Variants in MAP2K1 observed in about 807,000 individuals in gnomAD.
The protein encoded by MAP2K1 is dual specificity mitogen-activated protein kinase kinase 1.
MAP2K1 carries 16 observed loss-of-function variants against 46.3 expected under a neutral mutation model. The ratio of observed to expected loss-of-function variants is 0.35; its 90% confidence interval spans 0.23 to 0.52. The LOEUF (loss-of-function observed/expected upper bound fraction) is 0.52. MAP2K1 is among the 20% of genes least tolerant of loss of function. The pLI, the probability that MAP2K1 is intolerant of heterozygous loss-of-function variation, is 0.94. For synonymous variants in MAP2K1, 183 were observed against 185.6 expected, an observed-to-expected ratio of 0.99 and a Z score of 0.11; for missense variants, 263 against 497.1, an observed-to-expected ratio of 0.53 and a Z score of 4.48.
intron 1 of MAP2K1, among the ~76,000 whole-genome samples, chr15:66,402,525 C>T (rs1025683959): frequency 1.3e-5 from 2 of 152,176 alleles, no homozygotes; most frequent in Non-Finnish European, 2.9e-5. Context: ...AGGAAAACTT[C>T]AGCAATTTTC....
At position 66,396,968 on chromosome 15, in the gene MAP2K1, A is replaced by G. The variant is rs550436589; in HGVS notation, c.80+9541A>G. 5.9e-5 allele frequency among the ~76,000 whole-genome samples: 8 copies of G among 136,358 alleles called. No homozygotes were observed. In the East Asian group the frequency reaches 1.5e-3, roughly 26 times the overall value. 89.5% of individuals were successfully genotyped at this position (136,358 alleles called of 152,430 possible). A position where few individuals can be genotyped will look rare whatever the true frequency, so the allele number is the denominator to read the frequency against. On this transcript the variant is annotated intron_variant, in intron 1 of 10. Transcript: ENST00000307102. ...CCAAAGTGCTGGGATTACAGGCATG[A>G]GCTACCATGCCTGGCCTGTAACGCT... is the stretch of plus-strand genomic sequence containing the variant.
intron 1 of MAP2K1, among the ~76,000 whole-genome samples, chr15:66,426,370 A>AAC (rs1385637993): frequency 6.6e-6 from 1 of 151,734 alleles, no homozygotes; most frequent in Non-Finnish European, 1.5e-5. Flanking sequence ...CAAAAAAAAA[A>AAC]AAAACCTTTA....
In MAP2K1 at chr15:66,455,766, C is replaced by T. The variant is rs558756836; in HGVS notation, c.568+11059C>T. Among the ~76,000 whole-genome samples the T allele has an allele frequency of 6.1e-4, 93 of 152,306 alleles. 2 individuals carry two copies. In the South Asian group the frequency reaches 0.011, roughly 18 times the overall value. On this transcript the variant is annotated intron_variant, in intron 5 of 10. Coordinates refer to ENST00000307102, the MANE Select transcript of MAP2K1 (RefSeq NM_002755.4). ...GTGATTTGTCTCTGCCATAATGGAG[C>T]AGGACTTCTTGGGCAGAATAAGTTC...
intron 1 of MAP2K1, among the ~76,000 whole-genome samples, chr15:66,407,007 A>G (rs939523393): frequency 2.0e-5 from 3 of 152,150 alleles, no homozygotes; most frequent in South Asian, 2.1e-4. Context: ...AAAACAAAAC[A>G]AAACAAAAAA....
chr15:66,462,989 G>C (rs1460613692), intron 5 of MAP2K1, among the ~76,000 whole-genome samples: 1 of 152,220 alleles, frequency 6.6e-6, no homozygotes, highest in Non-Finnish European at 1.5e-5. Context: ...TCTCTGTCCA[G>C]AGGGCAGGAG....
At chr15:66,418,256 G>A (rs967677778) in intron 1 of MAP2K1, among the ~76,000 whole-genome samples, 1 of 152,112 alleles carries the variant, frequency 6.6e-6, no homozygotes, top group Non-Finnish European at 1.5e-5. Flanking sequence ...TGTTATAGCT[G>A]AAGAGTGAAT....
intron 5 of MAP2K1, among the ~76,000 whole-genome samples, chr15:66,449,398 T>G (rs79264026): frequency 0.028 from 4,285 of 152,120 alleles, 151 homozygotes; most frequent in Admixed American, 0.067. Flanking sequence ...AATACGAAAT[T>G]TTAGAACAGA....
intron 1 of MAP2K1, among the ~76,000 whole-genome samples, chr15:66,395,938 G>A (rs1213828481): frequency 9.2e-5 from 14 of 152,064 alleles, no homozygotes. Context: ...GACTGTGATT[G>A]TCTTGTGTAC....
At chr15:66,403,271 T>TA in intron 1 of MAP2K1, among the ~76,000 whole-genome samples, 1 of 152,178 alleles carries the variant, frequency 6.6e-6, no homozygotes. Context: ...GCAATATCCT[T>TA]AAAAAAATTA....
intron 1 of MAP2K1, among the ~76,000 whole-genome samples, chr15:66,426,371 A>AC (rs1294988486): frequency 1.3e-4 from 19 of 151,866 alleles, no homozygotes; most frequent in Admixed American, 5.2e-4. Context: ...AAAAAAAAAA[A>AC]AAACCTTTAT....
chr15:66,483,280 C>T (rs555858612), intron 6 of MAP2K1, among the ~76,000 whole-genome samples: 21 of 152,308 alleles, frequency 1.4e-4, no homozygotes, highest in Admixed American at 6.5e-4. Flanking sequence ...CATCACTCAC[C>T]TGGCACTGAC....
At chr15:66,434,974 T>C in intron 1 of MAP2K1, 53 bp from the exon 2 acceptor site, 1 of 1,158,132 alleles carries the variant, frequency 8.6e-7, no homozygotes, top group Non-Finnish European at 1.3e-6. Context: ...AGTACTTCTT[T>C]GGGTTGACTT....
intron 5 of MAP2K1, among the ~76,000 whole-genome samples, chr15:66,458,776 C>T (rs1231088590): frequency 6.6e-6 from 1 of 152,198 alleles, no homozygotes; most frequent in Non-Finnish European, 1.5e-5. Flanking sequence ...TTGTCTGGGT[C>T]TCCCTAAGTG....
chr15:66,469,472 CTTTT>C (rs370379739), intron 5 of MAP2K1, among the ~76,000 whole-genome samples: 292 of 76,618 alleles, frequency 3.8e-3, no homozygotes, highest in African/African-American at 0.015. Context: ...CTGGTGCCTC[CTTTT>C]TTTTTTTTTT....
rs1555420826 is a variant in MAP2K1, at chr15:66,487,249, C to T, written c.917C>T (p.Pro306Leu). The change falls in exon 8 of 11, where the codon CCT (proline) becomes CTT (leucine). Residue 306 changes from proline (P) to leucine (L), a missense_variant. This residue lies in a region of MAP2K1 where 118 missense variants were observed against 193.0 expected (regional missense o/e 0.61). Coordinates refer to ENST00000307102, the MANE Select transcript of MAP2K1 (RefSeq NM_002755.4). ...GTAGCATACGGAATGGACAGCCGAC[C>T]TCCCATGGCAATTTTTGAGTTGTTG... ...PLSSYGMDSR[P>L]PMAIFELLDY... 1 of 1,614,116 alleles carries T rather than the reference C, an allele frequency of 6.2e-7. No homozygotes were observed. Among genetic ancestry groups the T allele is most frequent in the Non-Finnish European group, 8.5e-7 (1 of 1,179,974 alleles).
chr15:66,463,546 G>A (rs1011107884), intron 5 of MAP2K1, among the ~76,000 whole-genome samples: 6 of 152,094 alleles, frequency 3.9e-5, no homozygotes, highest in Non-Finnish European at 7.4e-5. Context: ...GCAATGGTGC[G>A]ATCTCGGCTC....
At chr15:66,425,690 G>A (rs192815508) in intron 1 of MAP2K1, among the ~76,000 whole-genome samples, 1 of 152,140 alleles carries the variant, frequency 6.6e-6, no homozygotes, top group African/African-American at 2.4e-5. Flanking sequence ...TATCTACATA[G>A]ATCATACATT....
At chr15:66,485,456 A>G (rs1034893123) in intron 7 of MAP2K1, among the ~76,000 whole-genome samples, 9 of 152,104 alleles carry the variant, frequency 5.9e-5, no homozygotes, top group Non-Finnish European at 1.3e-4. Flanking sequence ...TGTATTTATT[A>G]TTTTTATTAT....
intron 3 of MAP2K1, among the ~76,000 whole-genome samples, chr15:66,441,520 A>AAAT (rs997376783): frequency 5.1e-4 from 77 of 151,934 alleles, no homozygotes; most frequent in African/African-American, 1.8e-3. Flanking sequence ...AAAAAATCAA[A>AAAT]AATAGCTGGG....
Sources: gnomAD v4.1 joint callset for allele counts (sites outside exome capture counted in the v4.1 genomes callset) on GRCh38, gnomAD v4.1.1 for gene constraint, gnomAD v4.1.1 regional missense constraint, MANE v1.5 for transcripts, NCBI Gene and HGNC (gene_info 2026-07-23, HGNC 2026-07-21) for gene names.